STXBP4: variants seen among roughly 807,000 people sequenced by gnomAD.
The protein encoded by STXBP4 is syntaxin-binding protein 4.
A neutral mutation model predicts 76.1 loss-of-function variants in STXBP4; 55 were observed. That is an observed-to-expected ratio of 0.72 (90% CI 0.58 to 0.91). The LOEUF is 0.91. STXBP4 is among the 40% of genes least tolerant of loss of function. The pLI, the probability that STXBP4 is intolerant of heterozygous loss-of-function variation, is 0.00. For missense variants in STXBP4, 618 were observed against 636.9 expected, an observed-to-expected ratio of 0.97 and a Z score of 0.32; for synonymous variants, 201 against 220.2, an observed-to-expected ratio of 0.91 and a Z score of 0.77.
At chr17:55,187,854 G>T in the STXBP4 span, among the ~76,000 whole-genome samples, 10 of 152,182 alleles carry the variant, frequency 6.6e-5, no homozygotes, top group African/African-American at 1.9e-4. Flanking sequence ...GCAGACATAA[G>T]AATTAAAGAG....
At position 55,024,033 on chromosome 17, in the gene STXBP4, A is replaced by G. The variant is rs371446872; in HGVS notation, c.667-7135A>G. Among the ~76,000 whole-genome samples the G allele has an allele frequency of 2.2e-4, 34 of 152,312 alleles. No individual in the cohort carries two copies. The East Asian group carries it at 5.8e-3, about 26-fold the overall frequency. The stretch of plus-strand genomic sequence containing the variant: ...AAATGAATGGACTATTTACAAAAGT[A>G]AAAAAACTGATGGCAGTTAAATATA... On this transcript the variant is annotated intron_variant, in intron 8 of 17. Transcript: ENST00000376352.
intron 8 of STXBP4, among the ~76,000 whole-genome samples, chr17:55,014,642 G>A (rs1053713029): frequency 2.0e-5 from 3 of 152,034 alleles, no homozygotes; most frequent in African/African-American, 7.2e-5. Context: ...GCACTTCCCT[G>A]GGCACCTTCA....
At chr17:55,092,674 T>C (rs1226624513) in intron 16 of STXBP4, among the ~76,000 whole-genome samples, 1 of 152,222 alleles carries the variant, frequency 6.6e-6, no homozygotes, top group African/African-American at 2.4e-5. Flanking sequence ...TTAAGAAGAA[T>C]GTGAGTAGTA....
At chr17:55,122,981 G>T (rs1250600571) in intron 16 of STXBP4, among the ~76,000 whole-genome samples, 1 of 152,072 alleles carries the variant, frequency 6.6e-6, no homozygotes, top group Non-Finnish European at 1.5e-5. Context: ...TAGAGATTTT[G>T]CTAATTCCTC....
At chr17:55,211,585 T>C in the STXBP4 span, among the ~76,000 whole-genome samples, 10 of 152,144 alleles carry the variant, frequency 6.6e-5, no homozygotes, top group Admixed American at 6.5e-4. Context: ...GCAGCTTACC[T>C]AAAAGTTAAG....
chr17:55,056,623 G>A (rs2078925880), intron 12 of STXBP4, among the ~76,000 whole-genome samples: 1 of 152,078 alleles, frequency 6.6e-6, no homozygotes, highest in Admixed American at 6.6e-5. Context: ...TAAAATTCAA[G>A]CCTGTGAGAT....
chr17:54,990,353 A>G (rs1019077152), intron 3 of STXBP4, among the ~76,000 whole-genome samples: 3 of 152,162 alleles, frequency 2.0e-5, no homozygotes, highest in Non-Finnish European at 4.4e-5. Flanking sequence ...GCCTCCTGTC[A>G]GATCAATGGC....
intron 12 of STXBP4, among the ~76,000 whole-genome samples, chr17:55,048,624 C>CA (rs34807382): frequency 0.23 from 34,788 of 151,118 alleles, 4,490 homozygotes; most frequent in South Asian, 0.31. Flanking sequence ...TGATCACCCC[C>CA]AAAAAAATCA....
At chr17:55,155,298 A>G (rs1448383017) in intron 17 of STXBP4, among the ~76,000 whole-genome samples, 1 of 152,074 alleles carries the variant, frequency 6.6e-6, no homozygotes, top group Non-Finnish European at 1.5e-5. Flanking sequence ...GACAAGGTTC[A>G]CCTTGTGTTC....
chr17:54,996,157 A>G (rs1253604976), intron 4 of STXBP4, among the ~76,000 whole-genome samples: 1 of 151,564 alleles, frequency 6.6e-6, no homozygotes, highest in East Asian at 1.9e-4. Flanking sequence ...CTGGGCAACT[A>G]GAGAAAACTT....
intron 1 of STXBP4, among the ~76,000 whole-genome samples, chr17:54,971,935 A>C (rs1489819023): frequency 6.6e-6 from 1 of 151,960 alleles, no homozygotes; most frequent in Non-Finnish European, 1.5e-5. Flanking sequence ...ATCTTTCATG[A>C]CTTTGACATT....
intron 12 of STXBP4, among the ~76,000 whole-genome samples, chr17:55,069,967 G>T (rs2079102336): frequency 6.6e-6 from 1 of 151,308 alleles, no homozygotes; most frequent in Admixed American, 6.6e-5. Flanking sequence ...TTGATTGAAT[G>T]AAAAATGGAG....
In STXBP4 at chr17:55,101,347, A is replaced by C. The variant is rs961074654; in HGVS notation, c.1489+20164A>C. Among the ~76,000 whole-genome samples the C allele has an allele frequency of 3.3e-5, 5 of 152,154 alleles. 1 individual carries two copies. Among genetic ancestry groups the C allele is most frequent in the African/African-American group, 4.8e-5 (2 of 41,436 alleles). On this transcript the variant is annotated intron_variant, in intron 16 of 17. Coordinates refer to ENST00000376352, the MANE Select transcript of STXBP4 (RefSeq NM_178509.6). Reference sequence around the variant, plus strand: ...TACCCCTTTGACACTTTTCTATCTAATCAAAAGAAATTTGGGGGAATTAGA... The same window carrying C: ...TACCCCTTTGACACTTTTCTATCTACTCAAAAGAAATTTGGGGGAATTAGA...
At chr17:54,989,862 T>C (rs902460674) in intron 3 of STXBP4, among the ~76,000 whole-genome samples, 1 of 152,352 alleles carries the variant, frequency 6.6e-6, no homozygotes, top group South Asian at 2.1e-4. Flanking sequence ...TTGAAACAAG[T>C]ACTTTTTACC....
chr17:55,111,354 G>A (rs1169977943), intron 16 of STXBP4, among the ~76,000 whole-genome samples: 1 of 152,110 alleles, frequency 6.6e-6, no homozygotes, highest in Non-Finnish European at 1.5e-5. Context: ...TCATATTAGT[G>A]TTTTTGTAGT....
intron 12 of STXBP4, among the ~76,000 whole-genome samples, chr17:55,056,768 C>T (rs2078927554): frequency 6.6e-6 from 1 of 152,104 alleles, no homozygotes; most frequent in South Asian, 2.1e-4. Context: ...TTTGGGAGAT[C>T]TGCCAAGGCA....
chr17:55,004,934 C>T (rs1178255313), intron 7 of STXBP4, among the ~76,000 whole-genome samples: 1 of 152,124 alleles, frequency 6.6e-6, no homozygotes. Flanking sequence ...ATGAGGAAAA[C>T]TTCTATGAGG....
intron 16 of STXBP4, among the ~76,000 whole-genome samples, chr17:55,139,439 CT>C (rs2080070446): frequency 6.6e-6 from 1 of 152,050 alleles, no homozygotes; most frequent in African/African-American, 2.4e-5. Flanking sequence ...CTGCCTTTGT[CT>C]TATTGATTGG....
chr17:55,029,401 AAT>A (rs1203803499), intron 8 of STXBP4, among the ~76,000 whole-genome samples: 2 of 152,056 alleles, frequency 1.3e-5, no homozygotes, highest in Non-Finnish European at 2.9e-5. Flanking sequence ...CTTTTAACCG[AAT>A]ATATAGTTTT....
Sources: gnomAD v4.1 joint callset for allele counts (sites outside exome capture counted in the v4.1 genomes callset) on GRCh38, gnomAD v4.1.1 for gene constraint, MANE v1.5 for transcripts, NCBI Gene and HGNC (gene_info 2026-07-23, HGNC 2026-07-21) for gene names.